KHDRBS2: variants seen among roughly 807,000 people sequenced by gnomAD.
The protein encoded by KHDRBS2 is KH RNA binding domain containing, signal transduction associated 2.
In KHDRBS2, 26 loss-of-function variants were observed where a neutral mutation model predicts 44.3. The observed-to-expected ratio is 0.59, with a 90% CI of 0.43 to 0.81. The LOEUF (loss-of-function observed/expected upper bound fraction) is 0.81. Among genes scored for constraint, KHDRBS2 ranks in the 40% least tolerant of loss-of-function variants. The pLI, the probability that KHDRBS2 is intolerant of heterozygous loss-of-function variation, is 0.00. For missense variants in KHDRBS2, 476 were observed against 433.1 expected (o/e 1.10, Z -0.88); for synonymous variants, 194 against 151.1 (o/e 1.28, Z -2.08).
chr6:62,095,399 T>C (rs1207604026), intron 2 of KHDRBS2, among the ~76,000 whole-genome samples: 1 of 151,870 alleles, frequency 6.6e-6, no homozygotes, highest in African/African-American at 2.4e-5. Context: ...TTTTATATCA[T>C]ATTTTTCCTG....
chr6:62,213,823 G>A (rs542317870), intron 1 of KHDRBS2, among the ~76,000 whole-genome samples: 43 of 128,816 alleles, frequency 3.3e-4, no homozygotes, highest in Middle Eastern at 5.4e-3. Flanking sequence ...GCAGTGAGCC[G>A]AGATCACGCC....
chr6:62,041,948 T>C (rs1012563935), intron 3 of KHDRBS2, among the ~76,000 whole-genome samples: 10 of 152,014 alleles, frequency 6.6e-5, no homozygotes, highest in Admixed American at 5.9e-4. Flanking sequence ...CAACAAAAGA[T>C]GAAGATGCTA....
chr6:62,186,675 C>CA (rs1291744721), intron 1 of KHDRBS2, among the ~76,000 whole-genome samples: 2 of 151,762 alleles, frequency 1.3e-5, no homozygotes, highest in African/African-American at 2.4e-5. Flanking sequence ...AAACTATCAT[C>CA]AAAAAAATGT....
downstream of KHDRBS2, among the ~76,000 whole-genome samples, chr6:61,675,594 G>T (rs553322879): frequency 6.6e-6 from 1 of 151,742 alleles, no homozygotes; most frequent in African/African-American, 2.4e-5. Flanking sequence ...ATATTACATA[G>T]TGACCTCAGG....
intron 6 of KHDRBS2, among the ~76,000 whole-genome samples, chr6:61,865,917 C>T (rs1198355717): frequency 6.6e-6 from 1 of 152,230 alleles, no homozygotes; most frequent in Non-Finnish European, 1.5e-5. Context: ...AAGAGGTGGG[C>T]TCCCACAGCC....
intron 1 of KHDRBS2, among the ~76,000 whole-genome samples, chr6:62,191,204 GTCACTAAAAATT>G (rs549264449): frequency 5.1e-4 from 77 of 152,126 alleles, no homozygotes; most frequent in African/African-American, 1.4e-3. Context: ...TTTTTATCTG[GTCACTAAAAATT>G]GATCAACCGT....
At chr6:61,756,772 A>G (rs1421019100) in intron 6 of KHDRBS2, among the ~76,000 whole-genome samples, 1 of 152,134 alleles carries the variant, frequency 6.6e-6, no homozygotes, top group Non-Finnish European at 1.5e-5. Flanking sequence ...AGACACAGGT[A>G]TGCACCAGTG....
At position 61,777,649 on chromosome 6, in the gene KHDRBS2, A is replaced by T. The variant is rs1192197957; in HGVS notation, c.811-44885T>A. Among the ~76,000 whole-genome samples, 5 of 152,172 alleles carry T rather than the reference A, an allele frequency of 3.3e-5. No individual in the cohort carries two copies. In the East Asian group the frequency reaches 9.7e-4, roughly 29 times the overall value. ...GATTAGAGAGGAAAAATAATTACAT[A>T]GGACATTAGTACATTGATGCTCTCT... On this transcript the variant is annotated intron_variant, in intron 6 of 8. Transcript: ENST00000281156.
intron 6 of KHDRBS2, among the ~76,000 whole-genome samples, chr6:61,828,551 T>C (rs1372189653): frequency 6.6e-6 from 1 of 152,216 alleles, no homozygotes; most frequent in East Asian, 1.9e-4. Context: ...TCATAACCAG[T>C]GAGTAAGTCA....
chr6:62,017,396 A>C (rs1203553111), intron 3 of KHDRBS2, among the ~76,000 whole-genome samples: 1 of 152,192 alleles, frequency 6.6e-6, no homozygotes, highest in African/African-American at 2.4e-5. Flanking sequence ...TCATCAGTGA[A>C]ATATGATCTG....
intron 6 of KHDRBS2, among the ~76,000 whole-genome samples, chr6:61,888,376 T>A (rs1801284711): frequency 6.6e-6 from 1 of 152,150 alleles, no homozygotes; most frequent in Non-Finnish European, 1.5e-5. Context: ...GGCTAGTATC[T>A]GTTGGTGACT....
intron 7 of KHDRBS2, among the ~76,000 whole-genome samples, chr6:61,716,610 G>A (rs10944194): frequency 0.34 from 51,016 of 151,700 alleles, 9,859 homozygotes; most frequent in East Asian, 0.49. Flanking sequence ...TTGAAAAAAC[G>A]ATAGTCGCTT....
At chr6:62,230,609 G>A (rs1832747247) in intron 1 of KHDRBS2, among the ~76,000 whole-genome samples, 1 of 152,026 alleles carries the variant, frequency 6.6e-6, no homozygotes, top group Non-Finnish European at 1.5e-5. Flanking sequence ...ACAGCTCCTA[G>A]CACTTAGAAG....
chr6:62,091,856 T>C (rs1028942897), intron 2 of KHDRBS2, among the ~76,000 whole-genome samples: 1 of 152,184 alleles, frequency 6.6e-6, no homozygotes, highest in African/African-American at 2.4e-5. Context: ...TGGTTTGTTA[T>C]GTAAAGCATT....
intron 6 of KHDRBS2, among the ~76,000 whole-genome samples, chr6:61,881,475 C>A (rs1231978476): frequency 6.6e-6 from 1 of 152,054 alleles, no homozygotes; most frequent in East Asian, 1.9e-4. Flanking sequence ...TTATGTTCAA[C>A]TCTCTTTACA....
the KHDRBS2 span, among the ~76,000 whole-genome samples, chr6:61,609,811 G>A: frequency 2.6e-5 from 4 of 152,296 alleles, no homozygotes; most frequent in East Asian, 7.7e-4. Flanking sequence ...GAGTGAATAT[G>A]TTTTAAAATA....
intron 2 of KHDRBS2, among the ~76,000 whole-genome samples, chr6:62,136,467 A>G (rs1011435480): frequency 6.6e-6 from 1 of 152,242 alleles, no homozygotes; most frequent in African/African-American, 2.4e-5. Context: ...TTTCAGCATC[A>G]TTCATTACCA....
At chr6:61,901,408 G>T (rs763647952) in intron 4 of KHDRBS2, 37 bp from the exon 5 acceptor site, 6 of 1,538,706 alleles carry the variant, frequency 3.9e-6, no homozygotes, top group African/African-American at 1.4e-5. Context: ...TTAAAAATGG[G>T]ACATGCCGTT....
intron 8 of KHDRBS2, among the ~76,000 whole-genome samples, chr6:61,685,861 T>C (rs947041918): frequency 4.0e-5 from 6 of 151,754 alleles, no homozygotes; most frequent in African/African-American, 1.4e-4. Context: ...ATTTTTAAAG[T>C]TGCAAAACTG....
Sources: gnomAD v4.1 joint callset for allele counts (sites outside exome capture counted in the v4.1 genomes callset) on GRCh38, gnomAD v4.1.1 for gene constraint, MANE v1.5 for transcripts, NCBI Gene and HGNC (gene_info 2026-07-23, HGNC 2026-07-21) for gene names.